EIF4E3: variants seen among roughly 807,000 people sequenced by gnomAD.
EIF4E3 encodes the protein eukaryotic translation initiation factor 4E type 3.
A neutral mutation model predicts 31.7 loss-of-function variants in EIF4E3; 26 were observed. That is an observed-to-expected ratio of 0.82 (90% CI 0.60 to 1.14). EIF4E3 has a LOEUF of 1.14. Ranked by LOEUF, EIF4E3 falls within the 50% of genes most tolerant of loss-of-function variation. The pLI, the probability that EIF4E3 is intolerant of heterozygous loss-of-function variation, is 0.00. For synonymous variants in EIF4E3, 128 were observed against 107.7 expected (o/e 1.19, Z -1.17); for missense variants, 304 against 270.9 (o/e 1.12, Z -0.86).
rs553337912 is a variant in EIF4E3, at chr3:71,732,925, G to C, written c.-290-4302C>G. On this transcript the variant is annotated intron_variant, in intron 1 of 7. Transcript: ENST00000295612. The stretch of plus-strand genomic sequence containing the variant: ...TAACACCTGCTTTGCAGTGCTGCCT[G>C]AAGGATCAAATCAGGAACATTTGGT... 2.0e-5 allele frequency among the ~76,000 whole-genome samples: 3 copies of C among 152,310 alleles called. No individual in the cohort carries two copies. In the South Asian group the frequency reaches 6.2e-4, roughly 32 times the overall value.
intron 3 of EIF4E3, among the ~76,000 whole-genome samples, chr3:71,699,353 A>G (rs1156883911): frequency 6.6e-6 from 1 of 152,214 alleles, no homozygotes; most frequent in African/African-American, 2.4e-5. Context: ...TAAATAATGC[A>G]GAAAGACTGA....
chr3:71,682,191 A>C lies in EIF4E3; in HGVS notation c.*2491T>G, dbSNP rs929210880. 2.6e-5 allele frequency: 4 copies of C among 152,242 alleles called. No homozygotes were observed. Among genetic ancestry groups the C allele is most frequent in the African/African-American group, 9.6e-5 (4 of 41,478 alleles). The allele number at this position is 152,242 out of a possible 1,614,324, so 9.4% of individuals were successfully genotyped here. A position where few individuals can be genotyped will look rare whatever the true frequency, so the allele number is the denominator to read the frequency against. ...GAGAATAAAAAGCATATTAGTTTCA[A>C]TCAGATTTCCTGGCATATATCACAG... On this transcript the variant is annotated 3_prime_UTR_variant, in exon 7 of 7. Transcript: ENST00000425534.
chr3:71,732,043 C>T (rs982496447), intron 1 of EIF4E3, among the ~76,000 whole-genome samples: 16 of 152,182 alleles, frequency 1.1e-4, no homozygotes, highest in African/African-American at 3.6e-4. Context: ...AGCTCTGCCA[C>T]AACATGAGCT....
intron 1 of EIF4E3, among the ~76,000 whole-genome samples, chr3:71,724,614 C>T (rs542512409): frequency 1.4e-4 from 22 of 152,328 alleles, no homozygotes; most frequent in African/African-American, 4.3e-4. Context: ...GTGTGTGGCT[C>T]CACTGTAGGT....
At chr3:71,740,601 G>A (rs1320939516) in intron 1 of EIF4E3, among the ~76,000 whole-genome samples, 1 of 152,152 alleles carries the variant, frequency 6.6e-6, no homozygotes, top group Admixed American at 6.5e-5. Context: ...GGGCATGGTG[G>A]TGTGCACCTG....
Position 71,690,095 on chromosome 3 carries a change from A to C in EIF4E3, c.543T>G (p.Asn181Lys), listed in dbSNP as rs1553660003. Reference sequence around the variant, plus strand: ...CAGTCGCTTCACCCACTAAAGAGGCATTTACATTCCAGACTTGGACGACGT... The same window carrying C: ...CAGTCGCTTCACCCACTAAAGAGGCCTTTACATTCCAGACTTGGACGACGT... Reference protein sequence around the residue: ...REDVVQVWNVNASLVGEATVL... With the variant: ...REDVVQVWNVKASLVGEATVL... Residue 181 changes from asparagine (N) to lysine (K), a missense_variant, in exon 6 of 7, where the codon AAT (asparagine) becomes AAG (lysine). Asn to Lys is a moderately conservative substitution (Grantham distance 94). Coordinates refer to ENST00000425534, the MANE Select transcript of EIF4E3 (RefSeq NM_001134651.2). 1.3e-5 allele frequency: 21 copies of C among 1,613,990 alleles called. No homozygotes were observed. The South Asian group carries it at 2.3e-4, about 18-fold the overall frequency.
the EIF4E3 span, among the ~76,000 whole-genome samples, chr3:71,667,189 G>A: frequency 3.9e-5 from 6 of 152,120 alleles, no homozygotes; most frequent in Non-Finnish European, 7.3e-5. Context: ...AAAGGACTTC[G>A]ATAAAATTCA....
At chr3:71,704,345 T>C (rs955348989) in intron 2 of EIF4E3, among the ~76,000 whole-genome samples, 16 of 151,532 alleles carry the variant, frequency 1.1e-4, no homozygotes, top group African/African-American at 3.6e-4. Flanking sequence ...ACCAGAGGAG[T>C]GTGGAACCTG....
At chr3:71,721,362 G>GGC (rs1293261617) in intron 1 of EIF4E3, among the ~76,000 whole-genome samples, 2 of 152,210 alleles carry the variant, frequency 1.3e-5, no homozygotes, top group Non-Finnish European at 2.9e-5. Flanking sequence ...GCCAATGGTG[G>GGC]TAATGCTATG....
the EIF4E3 span, among the ~76,000 whole-genome samples, chr3:71,666,465 C>CA: frequency 2.6e-5 from 4 of 151,780 alleles, 1 homozygote; most frequent in South Asian, 4.2e-4. Context: ...GCCTACCTCC[C>CA]AAAAAAAGCC....
intron 2 of EIF4E3, among the ~76,000 whole-genome samples, chr3:71,704,183 G>C (rs558592480): frequency 6.6e-6 from 1 of 152,236 alleles, no homozygotes; most frequent in Non-Finnish European, 1.5e-5. Flanking sequence ...TAAACGAGAT[G>C]TGACAGGATG....
At chr3:71,688,476 T>C (rs2049020898) in intron 6 of EIF4E3, among the ~76,000 whole-genome samples, 1 of 152,194 alleles carries the variant, frequency 6.6e-6, no homozygotes, top group South Asian at 2.1e-4. Context: ...AGGTAAAGGA[T>C]GAGAAGTTGT....
chr3:71,741,221 G>A (rs1172884686), intron 1 of EIF4E3, among the ~76,000 whole-genome samples: 1 of 139,862 alleles, frequency 7.1e-6, no homozygotes, highest in East Asian at 2.2e-4. Context: ...CACACATCCT[G>A]GAATCCCAGG....
chr3:71,753,341 G>GA (rs974346932), intron 1 of EIF4E3: 4 of 152,310 alleles, frequency 2.6e-5, no homozygotes, highest in African/African-American at 9.6e-5. Flanking sequence ...CTTTCGGGCA[G>GA]AAGGCTCATT....
the EIF4E3 span, among the ~76,000 whole-genome samples, chr3:71,669,474 C>G: frequency 6.6e-6 from 1 of 152,128 alleles, no homozygotes; most frequent in East Asian, 1.9e-4. Flanking sequence ...TGTCCCCCAA[C>G]AATTGAATTT....
intron 1 of EIF4E3, among the ~76,000 whole-genome samples, chr3:71,719,344 C>T (rs1482125615): frequency 6.6e-6 from 1 of 152,152 alleles, no homozygotes; most frequent in African/African-American, 2.4e-5. Context: ...TGTTACAAAT[C>T]TACCTTTCAC....
At chr3:71,686,541 T>TGA (rs978792454) in intron 6 of EIF4E3, among the ~76,000 whole-genome samples, 3 of 126,122 alleles carry the variant, frequency 2.4e-5, no homozygotes, top group South Asian at 3.0e-4. Flanking sequence ...TATTTCACAT[T>TGA]GAGTGTGTGT....
intron 1 of EIF4E3, among the ~76,000 whole-genome samples, chr3:71,734,907 C>A (rs895106846): frequency 2.4e-4 from 37 of 152,064 alleles, no homozygotes; most frequent in African/African-American, 8.9e-4. Context: ...GGTGAATTCA[C>A]CTCTAAAATG....
intron 1 of EIF4E3, among the ~76,000 whole-genome samples, chr3:71,735,763 T>C (rs2049756305): frequency 6.8e-6 from 1 of 147,046 alleles, no homozygotes; most frequent in South Asian, 2.1e-4. Context: ...CCAGAACATC[T>C]TTTCATTTTT....
Sources: allele counts gnomAD v4.1 joint callset (sites outside exome capture counted in the v4.1 genomes callset), GRCh38; gene constraint gnomAD v4.1.1; transcripts MANE v1.5; gene names NCBI Gene and HGNC (gene_info 2026-07-23, HGNC 2026-07-21).